Variants in FMN1 observed in about 807,000 individuals in gnomAD.
The protein encoded by FMN1 is formin 1.
A neutral mutation model predicts 132.4 loss-of-function variants in FMN1; 110 were observed. That is an observed-to-expected ratio of 0.83 (90% confidence interval 0.71 to 0.97). The LOEUF (loss-of-function observed/expected upper bound fraction) is 0.97. Ranked by LOEUF, FMN1 falls within the 50% of genes least tolerant of loss-of-function variation. The probability of loss-of-function intolerance (pLI) is 0.00; values close to 1 mark genes in which losing one functional copy is unlikely to be tolerated. For missense variants in FMN1, 1,792 were observed against 1,705.3 expected, an observed-to-expected ratio of 1.05 and a Z score of -0.90; for synonymous variants, 722 against 651.7, an observed-to-expected ratio of 1.11 and a Z score of -1.64.
chr15:33,139,864 G>C (rs1963934249), intron 4 of FMN1, among the ~76,000 whole-genome samples: 1 of 152,098 alleles, frequency 6.6e-6, no homozygotes, highest in South Asian at 2.1e-4. Context: ...ATCATTTTAA[G>C]AGGCGACAAA....
At chr15:33,067,754 T>C in intron 5 of FMN1, 2 of 1,613,972 alleles carry the variant, frequency 1.2e-6, no homozygotes, top group Admixed American at 1.7e-5. Flanking sequence ...AGATTCTAAT[T>C]TACTCGTAAA....
intron 5 of FMN1, among the ~76,000 whole-genome samples, chr15:33,068,630 CT>C (rs5811728): frequency 6.6e-6 from 1 of 150,894 alleles, no homozygotes; most frequent in Non-Finnish European, 1.5e-5. Context: ...GCCCTTGAAG[CT>C]TTTTTTAAGT....
chr15:32,828,490 TTTATCA>T (rs2058424980), intron 17 of FMN1, among the ~76,000 whole-genome samples: 2 of 151,218 alleles, frequency 1.3e-5, no homozygotes, highest in Admixed American at 1.3e-4. Flanking sequence ...TTTGTAATTC[TTTATCA>T]TTTAGCATGT....
intron 19 of FMN1, among the ~76,000 whole-genome samples, chr15:32,793,851 G>C (rs756066221): frequency 5.9e-5 from 9 of 152,340 alleles, no homozygotes; most frequent in Non-Finnish European, 7.3e-5. Flanking sequence ...ATGTATGTCA[G>C]TAGGAAAGCA....
intron 17 of FMN1, among the ~76,000 whole-genome samples, chr15:32,834,630 C>A (rs865977394): frequency 2.6e-5 from 4 of 152,344 alleles, no homozygotes; most frequent in Middle Eastern, 3.4e-3. Flanking sequence ...AACTCATCTC[C>A]CTTTTAGCCT....
At chr15:33,018,526 G>A (rs897717671) in intron 6 of FMN1, among the ~76,000 whole-genome samples, 1 of 152,168 alleles carries the variant, frequency 6.6e-6, no homozygotes, top group Non-Finnish European at 1.5e-5. Flanking sequence ...CTTCTGGACA[G>A]CTGAACACGA....
At chr15:32,818,021 TGAGA>T (rs2141084647) in intron 17 of FMN1, among the ~76,000 whole-genome samples, 1 of 152,324 alleles carries the variant, frequency 6.6e-6, no homozygotes, top group African/African-American at 2.4e-5. Flanking sequence ...GTAGAACATT[TGAGA>T]AAGATATAAA....
At chr15:32,927,765 T>G (rs2060999542) in intron 9 of FMN1, among the ~76,000 whole-genome samples, 1 of 152,160 alleles carries the variant, frequency 6.6e-6, no homozygotes. Context: ...TTTCCTCTCA[T>G]GTGGCAGGGC....
intron 6 of FMN1, among the ~76,000 whole-genome samples, chr15:33,011,781 G>T (rs1231263586): frequency 1.3e-5 from 2 of 151,928 alleles, no homozygotes; most frequent in Non-Finnish European, 1.5e-5. Context: ...TGAAAAATGA[G>T]CAAAAAGCAT....
chr15:33,060,612 T>C (rs765138890), intron 6 of FMN1, among the ~76,000 whole-genome samples: 17 of 152,190 alleles, frequency 1.1e-4, no homozygotes, highest in Non-Finnish European at 2.2e-4. Flanking sequence ...ATAACTACAA[T>C]GTATTATGCT....
intron 6 of FMN1, among the ~76,000 whole-genome samples, chr15:33,058,092 G>T (rs892561516): frequency 4.0e-5 from 6 of 151,892 alleles, no homozygotes; most frequent in African/African-American, 1.5e-4. Context: ...TGATGGGGGT[G>T]CTGGTGGAAA....
intron 16 of FMN1, among the ~76,000 whole-genome samples, chr15:32,880,014 T>C (rs1376896252): frequency 6.6e-6 from 1 of 152,130 alleles, no homozygotes; most frequent in African/African-American, 2.4e-5. Flanking sequence ...TATGTGATTA[T>C]TTGGTGCTTA....
chr15:33,077,285 T>C (rs889594756), intron 5 of FMN1, among the ~76,000 whole-genome samples: 1 of 151,576 alleles, frequency 6.6e-6, no homozygotes, highest in Admixed American at 6.6e-5. Context: ...TCCACCTGCC[T>C]TGGCCTCCTA....
In FMN1 at chr15:32,898,857, A is replaced by G; in HGVS notation, c.3691T>C (p.Tyr1231His). Residue 1231 changes from tyrosine (Y) to histidine (H), a missense_variant, in exon 15 of 21, where the codon TAT (tyrosine) becomes CAT (histidine). By Grantham distance (83) the Tyr-to-His change is moderately conservative (BLOSUM62 2). Around this residue, in one of 3 missense-constraint regions of FMN1, gnomAD observed 1,150 missense variants for 1,043.1 expected, o/e 1.10. Transcript: ENST00000616417. Reference sequence around the variant, plus strand: ...ACCTGATCATAGTAACGCAGGTAATACTTAACAACGTAGTCCACCAGATTA... The same window carrying G: ...ACCTGATCATAGTAACGCAGGTAATGCTTAACAACGTAGTCCACCAGATTA... ...GINLVDYVVKYYLRYYDQEAG... is the reference protein window; with the variant it reads ...GINLVDYVVKHYLRYYDQEAG... The G allele has an allele frequency of 1.2e-6, 2 of 1,603,132 alleles. No individual in the cohort carries two copies. Among genetic ancestry groups the G allele is most frequent in the South Asian group, 1.1e-5 (1 of 90,302 alleles).
intron 5 of FMN1, among the ~76,000 whole-genome samples, chr15:33,084,241 A>G (rs899325776): frequency 6.6e-6 from 1 of 152,210 alleles, no homozygotes; most frequent in Non-Finnish European, 1.5e-5. Context: ...TCTCTTGTGT[A>G]AGGTCCAAGA....
At chr15:33,139,600 TAAAC>T (rs1963923877) in intron 4 of FMN1, among the ~76,000 whole-genome samples, 1 of 152,142 alleles carries the variant, frequency 6.6e-6, no homozygotes. Flanking sequence ...TCTAAATAAA[TAAAC>T]AAATAAATAC....
At chr15:32,981,518 A>AAATAATAATAATAATAAT (rs34776483) in intron 7 of FMN1, among the ~76,000 whole-genome samples, 28 of 140,638 alleles carry the variant, frequency 2.0e-4, no homozygotes, top group African/African-American at 5.9e-4. Flanking sequence ...ACTCCATCTC[A>AAATAATAATAATAATAAT]AATAATAATA....
intron 9 of FMN1, among the ~76,000 whole-genome samples, chr15:32,961,218 C>G (rs2030500043): frequency 6.7e-6 from 1 of 150,032 alleles, no homozygotes; most frequent in Non-Finnish European, 1.5e-5. Flanking sequence ...ACTGCAACCT[C>G]TGCCTCCTGG....
At chr15:33,013,140 A>C in intron 6 of FMN1, 1 of 396,008 alleles carries the variant, frequency 2.5e-6, no homozygotes, top group Admixed American at 3.0e-5. Flanking sequence ...AGGTTGCAAC[A>C]GGTTTGTGAA....
Sources: allele counts gnomAD v4.1 joint callset (sites outside exome capture counted in the v4.1 genomes callset), GRCh38; gene constraint gnomAD v4.1.1; regional missense constraint gnomAD v4.1.1; transcripts MANE v1.5; gene names NCBI Gene and HGNC (gene_info 2026-07-23, HGNC 2026-07-21).